SLC8A3: variants seen among roughly 807,000 people sequenced by gnomAD.
SLC8A3 encodes sodium/calcium exchanger 3.
SLC8A3 carries 37 observed loss-of-function variants against 65.4 expected under a neutral mutation model. That is an observed-to-expected ratio of 0.57 (90% CI 0.44 to 0.74). SLC8A3 has a LOEUF of 0.74. SLC8A3 is among the 30% of genes least tolerant of loss of function. The pLI is 0.00. For synonymous variants in SLC8A3, 461 were observed against 444.5 expected, an observed-to-expected ratio of 1.04 and a Z score of -0.47; for missense variants, 1,112 against 1,172.1, an observed-to-expected ratio of 0.95 and a Z score of 0.75.
intron 2 of SLC8A3, among the ~76,000 whole-genome samples, chr14:70,166,137 G>T (rs1016190941): frequency 7.2e-5 from 11 of 152,210 alleles, no homozygotes; most frequent in Admixed American, 2.6e-4. Context: ...CAGTGAGACT[G>T]GCAATATAGT....
intron 6 of SLC8A3, chr14:70,047,334 TTC>T (rs1314182646): frequency 2.0e-5 from 3 of 152,162 alleles, no homozygotes; most frequent in Non-Finnish European, 4.4e-5. Flanking sequence ...TTGTTTTTGT[TTC>T]TGTTGTTATT....
In SLC8A3 at chr14:70,188,694, G is replaced by T. The variant is rs143337086; in HGVS notation, c.-378C>A. 1,746 of 152,300 alleles carry T rather than the reference G, an allele frequency of 0.011. 22 individuals carry two copies. Among genetic ancestry groups the T allele is most frequent in the Middle Eastern group, 0.055 (16 of 292 alleles). 9.4% of individuals were successfully genotyped at this position (152,300 alleles called of 1,614,324 possible). On this transcript the variant is annotated 5_prime_UTR_variant, in exon 1 of 7. Transcript: ENST00000356921. Reference sequence around the variant, plus strand: ...CGGATTTCAGAAAGAGGGAAACCCCGACCCAGAGCGGTGACTGGAATCTAC... The same window carrying T: ...CGGATTTCAGAAAGAGGGAAACCCCTACCCAGAGCGGTGACTGGAATCTAC...
intron 1 of SLC8A3, among the ~76,000 whole-genome samples, chr14:70,185,463 G>A (rs1883124024): frequency 6.6e-6 from 1 of 152,240 alleles, no homozygotes; most frequent in Admixed American, 6.5e-5. Context: ...AAAGGGCAGG[G>A]CCAGGGCAAG....
At chr14:70,050,213 G>T (rs777668010) in intron 5 of SLC8A3, among the ~76,000 whole-genome samples, 3 of 152,120 alleles carry the variant, frequency 2.0e-5, no homozygotes, top group East Asian at 3.9e-4. Context: ...ATCAGAGGGG[G>T]AGCTAGAAAG....
rs529444817 is a variant in SLC8A3 at position 70,173,536 on chromosome 14, G to C, written c.-62-5052C>G. 5.8e-4 allele frequency among the ~76,000 whole-genome samples: 88 copies of C among 152,228 alleles called. 1 individual carries two copies. The Middle Eastern group carries it at 0.014, about 24-fold the overall frequency. Reference sequence around the variant, plus strand: ...GCTCTTCCAGATCATTAATAAAACAGTGCCACCAGGACAGACTGAGCAAAT... The same window carrying C: ...GCTCTTCCAGATCATTAATAAAACACTGCCACCAGGACAGACTGAGCAAAT... On this transcript the variant is annotated intron_variant, in intron 1 of 6. Transcript: ENST00000356921.
At chr14:70,092,254 C>G (rs889917693) in intron 2 of SLC8A3, among the ~76,000 whole-genome samples, 2 of 152,128 alleles carry the variant, frequency 1.3e-5, no homozygotes, top group Non-Finnish European at 2.9e-5. Flanking sequence ...GCACTTCCTC[C>G]CTTGTATACC....
chr14:70,139,050 A>G (rs1895400612), intron 2 of SLC8A3, among the ~76,000 whole-genome samples: 1 of 152,128 alleles, frequency 6.6e-6, no homozygotes, highest in African/African-American at 2.4e-5. Flanking sequence ...AAGAGGACTT[A>G]ATTCTCCCCA....
At chr14:70,117,559 C>A (rs1893752532) in intron 2 of SLC8A3, among the ~76,000 whole-genome samples, 1 of 152,198 alleles carries the variant, frequency 6.6e-6, no homozygotes, top group African/African-American at 2.4e-5. Context: ...CTTAACTACA[C>A]AAAAACTAGA....
chr14:70,172,345 C>T (rs74700368), intron 1 of SLC8A3, among the ~76,000 whole-genome samples: 3,526 of 152,202 alleles, frequency 0.023, 116 homozygotes, highest in South Asian at 0.13. Flanking sequence ...ACTCAAAGTA[C>T]AAAGGAAATA....
chr14:70,077,923 G>A (rs200407367), intron 2 of SLC8A3, among the ~76,000 whole-genome samples: 2 of 152,186 alleles, frequency 1.3e-5, no homozygotes, highest in African/African-American at 4.8e-5. Context: ...CAGATGGCTT[G>A]TAGCCAATAC....
At chr14:70,134,986 T>C (rs1345389982) in intron 2 of SLC8A3, among the ~76,000 whole-genome samples, 2 of 152,062 alleles carry the variant, frequency 1.3e-5, no homozygotes, top group African/African-American at 4.8e-5. Flanking sequence ...ATAACTGGAG[T>C]CCTCATAAGA....
At chr14:70,091,722 AC>A (rs1226090543) in intron 2 of SLC8A3, among the ~76,000 whole-genome samples, 1 of 152,100 alleles carries the variant, frequency 6.6e-6, no homozygotes, top group Middle Eastern at 3.2e-3. Flanking sequence ...TTCAATACTT[AC>A]TTCAAACTTA....
At chr14:70,164,065 A>G (rs1897033455) in intron 2 of SLC8A3, among the ~76,000 whole-genome samples, 1 of 152,216 alleles carries the variant, frequency 6.6e-6, no homozygotes, top group East Asian at 1.9e-4. Flanking sequence ...CGTCAATATT[A>G]CTATGAAGAG....
At chr14:70,085,122 G>A (rs1891336470) in intron 2 of SLC8A3, among the ~76,000 whole-genome samples, 1 of 152,076 alleles carries the variant, frequency 6.6e-6, no homozygotes, top group African/African-American at 2.4e-5. Context: ...CACATGACAT[G>A]GACAAACATT....
At chr14:70,177,893 C>A (rs562354795) in intron 1 of SLC8A3, among the ~76,000 whole-genome samples, 1 of 152,060 alleles carries the variant, frequency 6.6e-6, no homozygotes, top group Non-Finnish European at 1.5e-5. Flanking sequence ...GCAAGACTGG[C>A]GGCAGGAAGA....
At chr14:70,180,131 C>T (rs1882612264) in intron 1 of SLC8A3, among the ~76,000 whole-genome samples, 1 of 152,198 alleles carries the variant, frequency 6.6e-6, no homozygotes, top group Non-Finnish European at 1.5e-5. Flanking sequence ...TCTGAGGTTA[C>T]CCATGGGGGA....
intron 2 of SLC8A3, among the ~76,000 whole-genome samples, chr14:70,091,676 G>T (rs183440227): frequency 6.6e-6 from 1 of 152,028 alleles, no homozygotes; most frequent in African/African-American, 2.4e-5. Flanking sequence ...CATCTTTTAC[G>T]TTCTATTTTA....
At chr14:70,100,188 C>A (rs776436528) in intron 2 of SLC8A3, among the ~76,000 whole-genome samples, 2 of 152,224 alleles carry the variant, frequency 1.3e-5, no homozygotes, top group African/African-American at 2.4e-5. Context: ...AACTGGGCTT[C>A]TGAGCCAAAG....
At chr14:70,115,148 AGAG>A (rs2140158566) in intron 2 of SLC8A3, among the ~76,000 whole-genome samples, 1 of 152,300 alleles carries the variant, frequency 6.6e-6, no homozygotes, top group South Asian at 2.1e-4. Flanking sequence ...AGGCCCCACG[AGAG>A]GAGAGAATTC....
Sources: allele counts gnomAD v4.1 joint callset (sites outside exome capture counted in the v4.1 genomes callset), GRCh38; gene constraint gnomAD v4.1.1; transcripts MANE v1.5; gene names NCBI Gene and HGNC (gene_info 2026-07-23, HGNC 2026-07-21).